The following CCSER2 variants were observed in gnomAD, a reference collection of about 807,000 sequenced individuals.
CCSER2 encodes coiled-coil serine rich protein 2, also known as serine-rich coiled-coil domain-containing protein 2.
Under a neutral mutation model 92.3 loss-of-function variants are expected in CCSER2, and 46 were observed. That is an observed-to-expected ratio of 0.50 (90% CI 0.39 to 0.64). The LOEUF (loss-of-function observed/expected upper bound fraction) is 0.64, where lower values mean the gene tolerates loss of function less well. CCSER2 is among the 30% of genes least tolerant of loss of function. The pLI is 0.00. For missense variants in CCSER2, 1,244 were observed against 1,238.9 expected (o/e 1.00, Z -0.06); for synonymous variants, 433 against 431.4 (o/e 1.00, Z -0.04).
At chr10:84,446,934 CATTA>C (rs1344104949) in intron 6 of CCSER2, among the ~76,000 whole-genome samples, 1 of 151,628 alleles carries the variant, frequency 6.6e-6, no homozygotes, top group Non-Finnish European at 1.5e-5. Context: ...GGCTCTACTT[CATTA>C]ATTTTCATTT....
Position 84,399,784 on chromosome 10 carries a change from C to CTTTTACCTTTTTTGGCCTTTTTTTT in CCSER2, c.1615-17982_1615-17958dup, listed in dbSNP as rs1842020442. Reference sequence around the variant, plus strand: ...TTCATTTATTTTTTAAACCTTTGTTCTTTTACCTTTTTTGGCCTTTTTTTT... The same window carrying CTTTTACCTTTTTTGGCCTTTTTTTT: ...TTCATTTATTTTTTAAACCTTTGTTCTTTTACCTTTTTTGGCCTTTTTTTTTTTTACCTTTTTTGGCCTTTTTTTT... On this transcript the variant is annotated intron_variant, in intron 3 of 9. Transcript: ENST00000372088. 9.2e-5 allele frequency among the ~76,000 whole-genome samples: 13 copies of CTTTTACCTTTTTTGGCCTTTTTTTT among 141,040 alleles called. No individual in the cohort carries two copies. In the South Asian group the frequency reaches 2.9e-3, roughly 31 times the overall value. 92.5% of individuals were successfully genotyped at this position (141,040 alleles called of 152,430 possible).
chr10:84,490,044 CT>C (rs1364902057), intron 9 of CCSER2, among the ~76,000 whole-genome samples: 5 of 152,160 alleles, frequency 3.3e-5, no homozygotes, highest in Non-Finnish European at 7.4e-5. Context: ...AAATTCTTTT[CT>C]TTAAGAATGT....
rs1240413306 is a variant in CCSER2 at position 84,364,152 on chromosome 10, G to GT, written c.-39-6860dup. On this transcript the variant is annotated intron_variant, in intron 1 of 9. Transcript: ENST00000372088. The stretch of plus-strand genomic sequence containing the variant: ...CAGGACTGAAAGTTGCTCTGGATGA[G>GT]TTAGTGAGTGAGTGGTGAGTGAATG... Among the ~76,000 whole-genome samples the GT allele has an allele frequency of 2.6e-5, 4 of 152,208 alleles. No individual in the cohort carries two copies. The East Asian group carries it at 7.7e-4, about 29-fold the overall frequency.
intron 9 of CCSER2, among the ~76,000 whole-genome samples, chr10:84,494,386 G>A (rs1316060808): frequency 1.3e-5 from 2 of 152,090 alleles, no homozygotes; most frequent in Non-Finnish European, 2.9e-5. Flanking sequence ...CTTCTTTACT[G>A]CAACATGTTT....
At position 84,371,934 on chromosome 10, in the gene CCSER2, T is replaced by C. The variant is rs1204111097; in HGVS notation, c.882T>C (p.Tyr294=). 6 of 1,613,732 alleles carry C rather than the reference T, an allele frequency of 3.7e-6. No homozygotes were observed. Among genetic ancestry groups the C allele is most frequent in the East Asian group, 4.5e-5 (2 of 44,880 alleles). Reference sequence around the variant, plus strand: ...TGGGGTATGGATTTAATAGGCCTTATGCTGCTGGTGGAAAGAAGTTGGCTT... The same window carrying C: ...TGGGGTATGGATTTAATAGGCCTTACGCTGCTGGTGGAAAGAAGTTGGCTT... ...EHLGYGFNRP[Y]AAGGKKLALP... is the part of the protein sequence containing the mutation. The change falls in exon 2 of 10, where the codon TAT becomes TAC. Residue 294 remains tyrosine (Y), a synonymous_variant. Coordinates refer to ENST00000372088, the MANE Select transcript of CCSER2 (RefSeq NM_001284240.2).
At chr10:84,433,293 C>G (rs1367533214) in intron 5 of CCSER2, among the ~76,000 whole-genome samples, 5 of 152,110 alleles carry the variant, frequency 3.3e-5, no homozygotes, top group Non-Finnish European at 7.4e-5. Flanking sequence ...AATGTTACCA[C>G]AAACATAAAA....
At chr10:84,506,515 C>T (rs917548062) in intron 9 of CCSER2, among the ~76,000 whole-genome samples, 4 of 152,150 alleles carry the variant, frequency 2.6e-5, no homozygotes, top group African/African-American at 7.2e-5. Flanking sequence ...TTAAACTGGC[C>T]GGGCGTGGTG....
At chr10:84,455,284 T>C (rs1048797482) in intron 6 of CCSER2, 22 of 45,962 alleles carry the variant, frequency 4.8e-4, no homozygotes, top group Non-Finnish European at 3.5e-5. Context: ...TTTCTTTTTC[T>C]TTTTTTTTTT....
intron 1 of CCSER2, among the ~76,000 whole-genome samples, chr10:84,351,134 C>G (rs1844834863): frequency 6.6e-6 from 1 of 152,114 alleles, no homozygotes; most frequent in African/African-American, 2.4e-5. Context: ...GTTCATATAG[C>G]TGACTCTGTG....
chr10:84,399,329 C>A (rs1330711032), intron 3 of CCSER2, among the ~76,000 whole-genome samples: 5 of 152,132 alleles, frequency 3.3e-5, no homozygotes, highest in Non-Finnish European at 7.4e-5. Flanking sequence ...TAATAATACC[C>A]TCTAGTTCCA....
Position 84,373,670 on chromosome 10 carries a change from A to T in CCSER2, c.1469A>T (p.Asp490Val). The T allele has an allele frequency of 6.2e-7, 1 of 1,613,590 alleles. No individual in the cohort carries two copies. ...HTSGNNLVSP[D>V]TDYRAGSSFE... ...TCTGGGAATAATTTGGTTTCACCAG[A>T]TACAGACTACAGAGCTGGTTCTTCG... The change falls in exon 3 of 10, where the codon GAT becomes GTT. Residue 490 changes from aspartate (D) to valine (V), a missense_variant. Transcript: ENST00000372088.
intron 1 of CCSER2, among the ~76,000 whole-genome samples, chr10:84,367,936 G>T (rs1446098926): frequency 6.6e-6 from 1 of 151,940 alleles, no homozygotes; most frequent in Non-Finnish European, 1.5e-5. Flanking sequence ...TCAAGACTTC[G>T]CTTTTGCCCT....
intron 6 of CCSER2, among the ~76,000 whole-genome samples, chr10:84,460,969 C>T (rs796882192): frequency 1.4e-4 from 21 of 152,102 alleles, no homozygotes; most frequent in African/African-American, 5.1e-4. Context: ...TCATTAATTT[C>T]TGCTCTTGAT....
chr10:84,368,874 A>C (rs1845920533), intron 1 of CCSER2, among the ~76,000 whole-genome samples: 1 of 152,096 alleles, frequency 6.6e-6, no homozygotes, highest in South Asian at 2.1e-4. Flanking sequence ...AGTGTCCATT[A>C]TTCCTCTCTG....
intron 3 of CCSER2, among the ~76,000 whole-genome samples, chr10:84,405,305 A>T (rs541462244): frequency 1.3e-5 from 2 of 152,220 alleles, no homozygotes; most frequent in Non-Finnish European, 2.9e-5. Flanking sequence ...CTAAAATTTT[A>T]CATCTTATTC....
At chr10:84,347,462 C>T (rs930910703) in intron 1 of CCSER2, among the ~76,000 whole-genome samples, 2 of 148,698 alleles carry the variant, frequency 1.3e-5, no homozygotes, top group Non-Finnish European at 3.0e-5. Flanking sequence ...CGGGGGCTGA[C>T]CCCCCACCTC....
At chr10:84,502,922 G>A (rs566923667) in intron 9 of CCSER2, among the ~76,000 whole-genome samples, 5 of 152,112 alleles carry the variant, frequency 3.3e-5, no homozygotes, top group Admixed American at 6.5e-5. Flanking sequence ...TTCAAACTGC[G>A]TTGAAGAATA....
intron 1 of CCSER2, among the ~76,000 whole-genome samples, chr10:84,367,931 A>C (rs1564603424): frequency 6.6e-6 from 1 of 151,966 alleles, no homozygotes; most frequent in Non-Finnish European, 1.5e-5. Flanking sequence ...CTAGGTCAAG[A>C]CTTCGCTTTT....
At chr10:84,499,586 T>C (rs1350765933) in intron 9 of CCSER2, among the ~76,000 whole-genome samples, 1 of 152,172 alleles carries the variant, frequency 6.6e-6, no homozygotes. Context: ...ACAAGAGATA[T>C]ATGATGATAA....
Sources: allele counts gnomAD v4.1 joint callset (sites outside exome capture counted in the v4.1 genomes callset), GRCh38; gene constraint gnomAD v4.1.1; transcripts MANE v1.5; gene names NCBI Gene and HGNC (gene_info 2026-07-23, HGNC 2026-07-21).